The following GRIN3A variants were observed in gnomAD, a reference collection of about 807,000 sequenced individuals.
GRIN3A encodes the protein glutamate receptor ionotropic, NMDA 3A.
A neutral mutation model predicts 92.4 loss-of-function variants in GRIN3A; 47 were observed. The ratio of observed to expected loss-of-function variants is 0.51; its 90% confidence interval spans 0.40 to 0.65. GRIN3A has a LOEUF of 0.65. GRIN3A is among the 30% of genes least tolerant of loss of function. The pLI, the probability that GRIN3A is intolerant of heterozygous loss-of-function variation, is 0.00. For synonymous variants in GRIN3A, 527 were observed against 540.6 expected (o/e 0.97, Z 0.35); for missense variants, 1,324 against 1,393.1 (o/e 0.95, Z 0.79).
intron 6 of GRIN3A, among the ~76,000 whole-genome samples, chr9:101,601,407 A>C (rs1828209350): frequency 6.6e-6 from 1 of 152,240 alleles, no homozygotes; most frequent in Non-Finnish European, 1.5e-5. Context: ...AGTATCTGGG[A>C]GAGCAGCTAG....
intron 1 of GRIN3A, among the ~76,000 whole-genome samples, chr9:101,693,014 T>C (rs1428996299): frequency 6.6e-6 from 1 of 152,052 alleles, no homozygotes; most frequent in Non-Finnish European, 1.5e-5. Flanking sequence ...CACAATGGCC[T>C]CATGAGGTGA....
At chr9:101,688,382 G>A (rs145842822) in intron 1 of GRIN3A, among the ~76,000 whole-genome samples, 288 of 152,328 alleles carry the variant, frequency 1.9e-3, no homozygotes, top group Middle Eastern at 6.8e-3. Flanking sequence ...AGCTACTCAT[G>A]ATGGTAGGTA....
chr9:101,702,710 G>A (rs2485527), intron 1 of GRIN3A, among the ~76,000 whole-genome samples: 119,724 of 152,054 alleles, frequency 0.79, 47,553 homozygotes, highest in African/African-American at 0.86. Flanking sequence ...CTCCTTTAGG[G>A]TTGCTGTTAG....
At chr9:101,595,319 C>CTT (rs35592131) in intron 6 of GRIN3A, among the ~76,000 whole-genome samples, 33,734 of 146,810 alleles carry the variant, frequency 0.23, 3,873 homozygotes, top group Middle Eastern at 0.31. Flanking sequence ...CTACTTATTT[C>CTT]TTTTTTTTTT....
At chr9:101,705,488 T>G (rs926618531) in intron 1 of GRIN3A, among the ~76,000 whole-genome samples, 3 of 152,150 alleles carry the variant, frequency 2.0e-5, no homozygotes, top group African/African-American at 7.2e-5. Context: ...AAACAGTTCG[T>G]GTGATCTGAT....
chr9:101,664,157 C>A (rs895726954), intron 3 of GRIN3A, among the ~76,000 whole-genome samples: 1 of 151,850 alleles, frequency 6.6e-6, no homozygotes, highest in Admixed American at 6.6e-5. Context: ...CAAAGAGAAA[C>A]CTCACTGGAT....
intron 3 of GRIN3A, among the ~76,000 whole-genome samples, chr9:101,655,230 T>A (rs2118923875): frequency 6.6e-6 from 1 of 152,008 alleles, no homozygotes; most frequent in African/African-American, 2.4e-5. Flanking sequence ...AAAATTATAA[T>A]CCTGAAAACC....
intron 1 of GRIN3A, among the ~76,000 whole-genome samples, chr9:101,716,691 C>T (rs1041294696): frequency 6.6e-6 from 1 of 152,160 alleles, no homozygotes; most frequent in Non-Finnish European, 1.5e-5. Context: ...CATTACTCAG[C>T]CAGGCAGTGA....
intron 3 of GRIN3A, among the ~76,000 whole-genome samples, chr9:101,639,089 C>T (rs1828819780): frequency 6.6e-6 from 1 of 152,194 alleles, no homozygotes; most frequent in Admixed American, 6.5e-5. Context: ...AGCTTAGAGA[C>T]ATGAGATAAC....
At chr9:101,650,752 TGTCATTTG>T (rs1829003997) in intron 3 of GRIN3A, among the ~76,000 whole-genome samples, 1 of 151,896 alleles carries the variant, frequency 6.6e-6, no homozygotes, top group Admixed American at 6.6e-5. Context: ...TCAGCACTCA[TGTCATTTG>T]GTCCAGTCTT....
intron 6 of GRIN3A, among the ~76,000 whole-genome samples, chr9:101,596,992 C>A (rs947013459): frequency 1.4e-4 from 22 of 152,146 alleles, no homozygotes; most frequent in African/African-American, 5.1e-4. Flanking sequence ...GGCCACATGC[C>A]CATGAAGCTG....
intron 2 of GRIN3A, among the ~76,000 whole-genome samples, chr9:101,684,332 T>G (rs1564143802): frequency 2.0e-5 from 3 of 148,004 alleles, no homozygotes. Flanking sequence ...CAGGATGGTC[T>G]GATCTCTTGA....
intron 2 of GRIN3A, among the ~76,000 whole-genome samples, chr9:101,680,928 G>A (rs1182233742): frequency 6.6e-6 from 1 of 152,154 alleles, no homozygotes; most frequent in African/African-American, 2.4e-5. Flanking sequence ...TAGAATAAAC[G>A]ATCAGAACTA....
chr9:101,615,420 G>C (rs1828432080), intron 5 of GRIN3A, among the ~76,000 whole-genome samples: 1 of 126,552 alleles, frequency 7.9e-6, no homozygotes, highest in Non-Finnish European at 1.6e-5. Flanking sequence ...ACAGAGTCTC[G>C]ATCTCGGCTC....
At chr9:101,711,247 A>G (rs1829873152) in intron 1 of GRIN3A, among the ~76,000 whole-genome samples, 1 of 152,164 alleles carries the variant, frequency 6.6e-6, no homozygotes, top group African/African-American at 2.4e-5. Context: ...GATGACATCT[A>G]TGGTTGGATG....
intron 6 of GRIN3A, among the ~76,000 whole-genome samples, chr9:101,591,250 G>A (rs976826988): frequency 2.0e-5 from 3 of 152,220 alleles, no homozygotes; most frequent in Non-Finnish European, 2.9e-5. Flanking sequence ...AACCAAAGAG[G>A]TGGAGGCTGC....
At chr9:101,584,191 T>C (rs1827922389) in intron 6 of GRIN3A, among the ~76,000 whole-genome samples, 1 of 152,178 alleles carries the variant, frequency 6.6e-6, no homozygotes, top group Non-Finnish European at 1.5e-5. Flanking sequence ...CAGGCATTTA[T>C]TGCTCCAGTT....
chr9:101,628,194 A>G, intron 4 of GRIN3A, 62 bp downstream of exon 4: 2 of 1,532,770 alleles, frequency 1.3e-6, no homozygotes, highest in Non-Finnish European at 1.8e-6. Context: ...ATACTGCGTC[A>G]GTAGCTAAAT....
intron 3 of GRIN3A, among the ~76,000 whole-genome samples, chr9:101,654,388 A>T (rs1829056346): frequency 6.6e-6 from 1 of 151,402 alleles, no homozygotes; most frequent in Non-Finnish European, 1.5e-5. Flanking sequence ...TACATGTATG[A>T]TATACAAATA....
Sources: gnomAD v4.1 joint callset for allele counts (sites outside exome capture counted in the v4.1 genomes callset) on GRCh38, gnomAD v4.1.1 for gene constraint, MANE v1.5 for transcripts, NCBI Gene and HGNC (gene_info 2026-07-23, HGNC 2026-07-21) for gene names.